Variants in PLA2G4A observed in about 807,000 individuals in gnomAD.
PLA2G4A encodes the protein phospholipase A2 group IVA.
In PLA2G4A, 40 loss-of-function variants were observed where a neutral mutation model predicts 81.9. That is an observed-to-expected ratio of 0.49 (90% CI 0.38 to 0.64). PLA2G4A has a LOEUF of 0.64. Among genes scored for constraint, PLA2G4A ranks in the 30% least tolerant of loss-of-function variants. The pLI is 0.00. For missense variants in PLA2G4A, 715 were observed against 905.1 expected, an observed-to-expected ratio of 0.79 and a Z score of 2.69; for synonymous variants, 302 against 296.9, an observed-to-expected ratio of 1.02 and a Z score of -0.18.
At chr1:186,955,091 T>C (rs1656700259) in intron 13 of PLA2G4A, among the ~76,000 whole-genome samples, 1 of 152,200 alleles carries the variant, frequency 6.6e-6, no homozygotes, top group South Asian at 2.1e-4. Flanking sequence ...GGCAGTGCTA[T>C]AAATGACCAT....
At chr1:186,974,988 C>T (rs560331539) in intron 15 of PLA2G4A, among the ~76,000 whole-genome samples, 3 of 152,270 alleles carry the variant, frequency 2.0e-5, no homozygotes, top group South Asian at 2.1e-4. Flanking sequence ...CATGTATTTC[C>T]CTTTTCATTT....
chr1:186,911,477 A>G (rs1654940442), intron 7 of PLA2G4A, 88 bp downstream of exon 7: 7 of 949,290 alleles, frequency 7.4e-6, no homozygotes, highest in Non-Finnish European at 1.2e-5. Context: ...AAATATGGCA[A>G]TATTGAGATT....
At chr1:186,973,038 C>G (rs557222917) in intron 15 of PLA2G4A, among the ~76,000 whole-genome samples, 1 of 152,184 alleles carries the variant, frequency 6.6e-6, no homozygotes, top group Non-Finnish European at 1.5e-5. Flanking sequence ...TCCACAATGG[C>G]TGGTGAAGGA....
At chr1:186,980,340 G>A (rs1307840476) in intron 17 of PLA2G4A, among the ~76,000 whole-genome samples, 1 of 152,072 alleles carries the variant, frequency 6.6e-6, no homozygotes, top group East Asian at 1.9e-4. Context: ...TGTATCTTCT[G>A]CTAAGATTCT....
At chr1:186,890,356 C>T (rs556850666) in intron 3 of PLA2G4A, among the ~76,000 whole-genome samples, 4 of 152,100 alleles carry the variant, frequency 2.6e-5, no homozygotes, top group African/African-American at 9.6e-5. Context: ...ATAGTGTGTC[C>T]AGTGCTGTAA....
At chr1:186,899,035 C>G (rs1273846428) in intron 5 of PLA2G4A, among the ~76,000 whole-genome samples, 1 of 152,142 alleles carries the variant, frequency 6.6e-6, no homozygotes, top group Non-Finnish European at 1.5e-5. Flanking sequence ...TTACATTCTA[C>G]TTAGCGAGAC....
intron 8 of PLA2G4A, among the ~76,000 whole-genome samples, chr1:186,934,505 CATAT>C (rs58064022): frequency 0.11 from 15,686 of 140,046 alleles, 1,034 homozygotes; most frequent in Middle Eastern, 0.21. Context: ...TAAATGTGCA[CATAT>C]ATATATATAC....
At chr1:186,972,188 C>T (rs1657378876) in intron 15 of PLA2G4A, among the ~76,000 whole-genome samples, 1 of 152,034 alleles carries the variant, frequency 6.6e-6, no homozygotes, top group Non-Finnish European at 1.5e-5. Flanking sequence ...TAGCACACAC[C>T]TAGTAGTAGT....
chr1:186,856,599 C>T (rs1402244712), intron 2 of PLA2G4A, among the ~76,000 whole-genome samples: 3 of 151,858 alleles, frequency 2.0e-5, no homozygotes, highest in African/African-American at 4.8e-5. Flanking sequence ...GCCATGTTGG[C>T]CAGGCTGGTA....
Position 186,978,416 on chromosome 1 carries a change from C to T in PLA2G4A, c.1960+628C>T, listed in dbSNP as rs572196230. The stretch of plus-strand genomic sequence containing the variant: ...ATTTTAGGACCAGAAAATGTGTTTT[C>T]CATTTTATAAATGGAAAGACACAAA... On this transcript the variant is annotated intron_variant, in intron 16 of 17. Coordinates refer to ENST00000367466, the MANE Select transcript of PLA2G4A (RefSeq NM_024420.3). 2.0e-5 allele frequency among the ~76,000 whole-genome samples: 3 copies of T among 151,966 alleles called. No individual in the cohort carries two copies. The South Asian group carries it at 6.2e-4, about 32-fold the overall frequency.
intron 1 of PLA2G4A, among the ~76,000 whole-genome samples, chr1:186,830,956 TGC>T (rs1491222286): frequency 9.0e-4 from 59 of 65,364 alleles, no homozygotes; most frequent in African/African-American, 2.8e-3. Context: ...CTTGCTTGCT[TGC>T]TTTCTTTCTT....
chr1:186,885,831 T>C (rs185913940), intron 3 of PLA2G4A, among the ~76,000 whole-genome samples: 239 of 152,024 alleles, frequency 1.6e-3, no homozygotes, highest in African/African-American at 5.6e-3. Context: ...AACTGAAAAA[T>C]AAGTCTATAG....
At chr1:186,869,188 C>T (rs940914550) in intron 2 of PLA2G4A, among the ~76,000 whole-genome samples, 2 of 152,080 alleles carry the variant, frequency 1.3e-5, no homozygotes, top group African/African-American at 4.8e-5. Flanking sequence ...CCATTCAGTA[C>T]TGCTTTCAAG....
intron 5 of PLA2G4A, among the ~76,000 whole-genome samples, chr1:186,895,472 A>G (rs1167556470): frequency 6.6e-6 from 1 of 152,198 alleles, no homozygotes; most frequent in Non-Finnish European, 1.5e-5. Context: ...CCTTTTACAA[A>G]CATTTATTGA....
At chr1:186,938,640 C>G (rs570267721) in intron 8 of PLA2G4A, among the ~76,000 whole-genome samples, 1 of 152,216 alleles carries the variant, frequency 6.6e-6, no homozygotes, top group Non-Finnish European at 1.5e-5. Context: ...AGTCTTGGAG[C>G]CAGACAAGTC....
rs1197980979 is a variant in PLA2G4A, at chr1:186,911,309, C to A, written c.478C>A (p.Gln160Lys). 3.1e-6 allele frequency: 5 copies of A among 1,609,886 alleles called. No individual in the cohort carries two copies. In the Admixed American group the frequency reaches 5.0e-5, roughly 16 times the overall value. The change falls in exon 7 of 18, where the codon CAG (glutamine) becomes AAG (lysine). Residue 160 changes from glutamine to lysine, a missense_variant. Transcript: ENST00000367466. Reference protein sequence around the residue: ...LCDQEKTFRQQRKEHIRESMK... With the variant: ...LCDQEKTFRQKRKEHIRESMK... ...TGATCAGGAGAAGACTTTCAGACAA[C>A]AGAGAAAAGAACACATAAGGGAGAG...
At chr1:186,937,413 C>T (rs6425058) in intron 8 of PLA2G4A, among the ~76,000 whole-genome samples, 46,393 of 151,794 alleles carry the variant, frequency 0.31, 9,623 homozygotes, top group African/African-American at 0.58. Context: ...AATAAATGAA[C>T]TGTGTATCTT....
intron 7 of PLA2G4A, among the ~76,000 whole-genome samples, chr1:186,929,788 G>A (rs1046170709): frequency 1.1e-4 from 16 of 152,192 alleles, no homozygotes; most frequent in Non-Finnish European, 2.4e-4. Context: ...TAGGCCCAGT[G>A]TGGTAGCCCA....
Position 186,932,818 on chromosome 1 carries a change from T to C in PLA2G4A, c.614T>C (p.Phe205Ser). ...SGGGFRAMVG[F>S]SGVMKALYES... is the part of the protein sequence containing the mutation. ...GGGGGTTTCCGAGCCATGGTGGGAT[T>C]CTCTGGTGTGATGAAGGCATTATAC... The change falls in exon 8 of 18, where the codon TTC (phenylalanine) becomes TCC (serine). Residue 205 changes from phenylalanine (F) to serine (S), a missense_variant. Phe to Ser is a radical substitution (Grantham distance 155). Coordinates refer to ENST00000367466, the MANE Select transcript of PLA2G4A (RefSeq NM_024420.3). 6.2e-7 allele frequency: 1 copy of C among 1,613,460 alleles called. No individual in the cohort carries two copies. The highest frequency in any genetic ancestry group is 8.5e-7 in the Non-Finnish European group (1 of 1,179,376).
Sources: gnomAD v4.1 joint callset for allele counts (sites outside exome capture counted in the v4.1 genomes callset) on GRCh38, gnomAD v4.1.1 for gene constraint, MANE v1.5 for transcripts, NCBI Gene and HGNC (gene_info 2026-07-23, HGNC 2026-07-21) for gene names.